The following FRAS1 variants were observed in gnomAD, a reference collection of about 807,000 sequenced individuals.
The protein encoded by FRAS1 is Fraser extracellular matrix complex subunit 1.
FRAS1 carries 290 observed loss-of-function variants against 435.2 expected under a neutral mutation model. That is an observed-to-expected ratio of 0.67 (90% confidence interval 0.61 to 0.73). The LOEUF (loss-of-function observed/expected upper bound fraction) is 0.73, where lower values mean the gene tolerates loss of function less well. FRAS1 is among the 30% of genes least tolerant of loss of function. FRAS1 has a pLI of 0.00. For synonymous variants in FRAS1, 1,800 were observed against 1,851.0 expected, an observed-to-expected ratio of 0.97 and a Z score of 0.71; for missense variants, 4,860 against 5,001.5, an observed-to-expected ratio of 0.97 and a Z score of 0.85.
intron 54 of FRAS1, among the ~76,000 whole-genome samples, chr4:78,476,190 C>T (rs375457842): frequency 6.6e-6 from 1 of 152,106 alleles, no homozygotes; most frequent in Admixed American, 6.5e-5. Flanking sequence ...GTTTGGTGCT[C>T]GTGACTTTGC....
In FRAS1 at chr4:78,249,064, C is replaced by CATATATATATATATATGCATAT. The variant is rs773092419; in HGVS notation, c.310-3312_310-3311insGCATATATATATATATATATAT. On this transcript the variant is annotated intron_variant, in intron 4 of 73. Coordinates refer to ENST00000512123, the MANE Select transcript of FRAS1 (RefSeq NM_025074.7). ...AGAACTACTGATATATATATATATG[C>CATATATATATATATATGCATAT]ATATATATATATATATATATATGCA... Among the ~76,000 whole-genome samples, 60 of 16,634 alleles carry CATATATATATATATATGCATAT rather than the reference C, an allele frequency of 3.6e-3. 9 individuals are homozygous for CATATATATATATATATGCATAT. The East Asian group carries it at 0.054, about 15-fold the overall frequency. The allele number at this position is 16,634 out of a possible 152,430, so 10.9% of individuals were successfully genotyped here.
At chr4:78,225,942 G>C (rs760322215) in intron 2 of FRAS1, among the ~76,000 whole-genome samples, 1 of 151,832 alleles carries the variant, frequency 6.6e-6, no homozygotes. Flanking sequence ...CTTTCTATTT[G>C]TTACTCCCAT....
chr4:78,076,119 T>C (rs562878631), intron 2 of FRAS1, among the ~76,000 whole-genome samples: 98 of 152,264 alleles, frequency 6.4e-4, no homozygotes, highest in Non-Finnish European at 1.1e-3. Flanking sequence ...TTTTCATCCA[T>C]GTCCAGGTGC....
chr4:78,457,693 C>A (rs1408855575), intron 47 of FRAS1, among the ~76,000 whole-genome samples: 1 of 152,190 alleles, frequency 6.6e-6, no homozygotes, highest in African/African-American at 2.4e-5. Flanking sequence ...AATCCTTAAA[C>A]CCTTTGGCTG....
intron 20 of FRAS1, among the ~76,000 whole-genome samples, chr4:78,344,796 A>G (rs979645072): frequency 1.3e-5 from 2 of 152,188 alleles, no homozygotes; most frequent in Non-Finnish European, 2.9e-5. Context: ...TCCTTATTAA[A>G]TGAATAAACT....
intron 61 of FRAS1, among the ~76,000 whole-genome samples, chr4:78,500,468 G>A (rs17003289): frequency 0.33 from 50,095 of 152,002 alleles, 9,001 homozygotes; most frequent in South Asian, 0.52. Context: ...TCCCCCTTTC[G>A]GAGGACATTT....
chr4:78,266,532 C>G (rs908753011), intron 7 of FRAS1, among the ~76,000 whole-genome samples: 1 of 152,204 alleles, frequency 6.6e-6, no homozygotes, highest in African/African-American at 2.4e-5. Flanking sequence ...CATGGATGAG[C>G]CAGTCAACAA....
At chr4:78,387,312 C>A in intron 28 of FRAS1, 63 bp from the exon 29 acceptor site, 1 of 1,177,642 alleles carries the variant, frequency 8.5e-7, no homozygotes, top group Non-Finnish European at 1.2e-6. Context: ...AATCAGGTAT[C>A]TAGTCCACTG....
chr4:78,330,909 T>C (rs1403935278), intron 18 of FRAS1, among the ~76,000 whole-genome samples: 1 of 152,232 alleles, frequency 6.6e-6, no homozygotes, highest in Admixed American at 6.5e-5. Flanking sequence ...ACCCTATTCG[T>C]ATCCTCCTTC....
chr4:78,379,635 G>A, intron 26 of FRAS1, 91 bp from the exon 27 acceptor site: 2 of 1,192,624 alleles, frequency 1.7e-6, no homozygotes, highest in South Asian at 1.4e-5. Context: ...ATTGTAAGGA[G>A]GTGGTCTGAA....
In FRAS1 at chr4:78,438,707, C is replaced by G. The variant is rs1734527455; in HGVS notation, c.5355C>G (p.Asn1785Lys). 1 of 1,595,982 alleles carries G rather than the reference C, an allele frequency of 6.3e-7. No individual in the cohort carries two copies. Among genetic ancestry groups the G allele is most frequent in the Non-Finnish European group, 8.5e-7 (1 of 1,171,212 alleles). ...ATTTCACAATGGAAGACATCAATAA[C>G]AAGAAAATCAGGTACATAATCACTT... ...VSNFTMEDIN[N>K]KKIRYSAVFE... Residue 1785 changes from asparagine to lysine, a missense_variant, in exon 39 of 74, where the codon AAC (asparagine) becomes AAG (lysine). Transcript: ENST00000512123.
intron 30 of FRAS1, among the ~76,000 whole-genome samples, chr4:78,403,557 A>G (rs941407129): frequency 7.9e-5 from 12 of 152,150 alleles, no homozygotes; most frequent in African/African-American, 2.9e-4. Flanking sequence ...GTACTCCCTC[A>G]TCACTTAAGA....
chr4:78,477,910 C>G lies in FRAS1; in HGVS notation c.7947C>G (p.Leu2649=). Residue 2649 remains leucine, a synonymous_variant, in exon 55 of 74, where the codon CTC becomes CTG. Transcript: ENST00000512123. The part of the protein sequence containing the change: ...FENVESFTVE[L]SMPAYALLGE... ...ATGTTGAGAGTTTCACTGTGGAGCTCAGCATGCCAGCTTATGCCCTGTTAG... is the reference window on the plus strand; with the variant it reads ...ATGTTGAGAGTTTCACTGTGGAGCTGAGCATGCCAGCTTATGCCCTGTTAG... The G allele has an allele frequency of 6.2e-7, 1 of 1,613,622 alleles. No individual in the cohort carries two copies. Among genetic ancestry groups the G allele is most frequent in the Non-Finnish European group, 8.5e-7 (1 of 1,179,778 alleles).
At position 78,387,658 on chromosome 4, in the gene FRAS1, A is replaced by G. The variant is rs990351842; in HGVS notation, c.3932A>G (p.His1311Arg). 6.9e-6 allele frequency: 11 copies of G among 1,593,828 alleles called. No homozygotes were observed. The highest frequency in any genetic ancestry group is 9.4e-6 in the Non-Finnish European group (11 of 1,168,206). Residue 1311 changes from histidine to arginine, a missense_variant, in exon 29 of 74, where the codon CAC becomes CGC. Physicochemically the swap from His to Arg is conservative, Grantham distance 29. Transcript: ENST00000512123. Reference protein sequence around the residue: ...DVAVLQANDGHSFHNILFQVK... With the variant: ...DVAVLQANDGRSFHNILFQVK... ...GCAGTCTTGCAGGCCAATGATGGAC[A>G]CTCCTTCCATAATATACTGTTCCAA...
chr4:78,280,469 C>T (rs2110177718), intron 10 of FRAS1, among the ~76,000 whole-genome samples: 1 of 152,132 alleles, frequency 6.6e-6, no homozygotes, highest in South Asian at 2.1e-4. Flanking sequence ...TTGAATTTTC[C>T]ATTTAGTATT....
intron 2 of FRAS1, among the ~76,000 whole-genome samples, chr4:78,174,901 A>G (rs937669428): frequency 2.0e-5 from 3 of 152,342 alleles, no homozygotes; most frequent in African/African-American, 4.8e-5. Flanking sequence ...TAAATCACTG[A>G]ATTTTCTTCT....
intron 25 of FRAS1, 45 bp downstream of exon 25, chr4:78,374,296 C>A: frequency 6.6e-7 from 1 of 1,519,374 alleles, no homozygotes. Context: ...GTGAGGGCAG[C>A]AAGTAAGTCA....
intron 2 of FRAS1, among the ~76,000 whole-genome samples, chr4:78,207,234 T>G (rs1723299801): frequency 6.6e-6 from 1 of 152,182 alleles, no homozygotes; most frequent in Admixed American, 6.5e-5. Context: ...TTCTTCTTCT[T>G]TTGTTGTTTT....
intron 29 of FRAS1, among the ~76,000 whole-genome samples, chr4:78,396,558 C>G (rs1732676046): frequency 6.6e-6 from 1 of 152,188 alleles, no homozygotes; most frequent in African/African-American, 2.4e-5. Context: ...TCATCTCATT[C>G]TGTCAGAAAA....
Sources: gnomAD v4.1 joint callset for allele counts (sites outside exome capture counted in the v4.1 genomes callset) on GRCh38, gnomAD v4.1.1 for gene constraint, MANE v1.5 for transcripts, NCBI Gene and HGNC (gene_info 2026-07-23, HGNC 2026-07-21) for gene names.